Variants in GFI1B observed in about 807,000 individuals in gnomAD.
GFI1B encodes zinc finger protein Gfi-1b.
A neutral mutation model predicts 35.3 loss-of-function variants in GFI1B; 20 were observed. That is an observed-to-expected ratio of 0.57 (90% CI 0.40 to 0.82). The LOEUF (loss-of-function observed/expected upper bound fraction) is 0.82, where lower values mean the gene tolerates loss of function less well. Ranked by LOEUF, GFI1B falls within the 40% of genes least tolerant of loss-of-function variation. The probability of loss-of-function intolerance (pLI) is 0.00; values close to 1 mark genes in which losing one functional copy is unlikely to be tolerated. For missense variants in GFI1B, 430 were observed against 446.3 expected (o/e 0.96, Z 0.33); for synonymous variants, 178 against 177.6 (o/e 1.00, Z -0.02).
upstream of GFI1B, among the ~76,000 whole-genome samples, chr9:132,978,053 G>A (rs971400160): frequency 6.6e-6 from 1 of 150,814 alleles, no homozygotes; most frequent in South Asian, 2.1e-4. Flanking sequence ...GGTACTAGGG[G>A]CATTGCACCA....
chr9:132,968,713 C>T (rs961325451), intron 1 of GFI1B, among the ~76,000 whole-genome samples: 12 of 152,204 alleles, frequency 7.9e-5, no homozygotes, highest in Non-Finnish European at 1.8e-4. Context: ...GATCTTACTT[C>T]ACCCCGCTGT....
chr9:132,969,153 T>TC (rs1848495563), intron 1 of GFI1B, among the ~76,000 whole-genome samples: 2 of 152,086 alleles, frequency 1.3e-5, no homozygotes, highest in Non-Finnish European at 2.9e-5. Context: ...CTCAGCCTCC[T>TC]GAGTAGCTGG....
chr9:132,948,590 C>A (rs10793948), intron 1 of GFI1B, among the ~76,000 whole-genome samples: 101 of 152,236 alleles, frequency 6.6e-4, no homozygotes, highest in African/African-American at 2.4e-3. Flanking sequence ...GCTTTCAGCT[C>A]TCTGTGCAGC....
intron 1 of GFI1B, chr9:132,952,446 G>A (rs1848215441): frequency 6.6e-6 from 1 of 152,030 alleles, no homozygotes; most frequent in East Asian, 1.9e-4. Context: ...CTCCCGGGTA[G>A]CTGAGACTAT....
At chr9:132,990,754 A>C (rs1849265719) in intron 6 of GFI1B, 118 bp from the exon 7 acceptor site, 1 of 833,090 alleles carries the variant, frequency 1.2e-6, no homozygotes, top group Admixed American at 2.1e-5. Flanking sequence ...TGAGTTGGCC[A>C]TGAGAGAAAA....
intron 1 of GFI1B, among the ~76,000 whole-genome samples, chr9:132,950,563 T>A (rs1288424120): frequency 7.2e-6 from 1 of 138,660 alleles, no homozygotes; most frequent in Non-Finnish European, 1.6e-5. Flanking sequence ...ACTTTTTTTT[T>A]TTTTTTTTTT....
chr9:132,990,246 T>C (rs1401688440), intron 6 of GFI1B, among the ~76,000 whole-genome samples: 1 of 147,024 alleles, frequency 6.8e-6, no homozygotes, highest in Non-Finnish European at 1.5e-5. Flanking sequence ...CGCTCACTCA[T>C]TTGCTCATTC....
chr9:132,989,670 C>G lies in GFI1B; in HGVS notation c.649-72C>G. The G allele has an allele frequency of 7.7e-7, 1 of 1,304,966 alleles. No individual in the cohort carries two copies. Among genetic ancestry groups the G allele is most frequent in the Non-Finnish European group, 1.1e-6 (1 of 914,914 alleles). The allele number at this position is 1,304,966 out of a possible 1,614,324, so 80.8% of individuals were successfully genotyped here. On this transcript the variant is annotated intron_variant, in intron 5 of 6. Coordinates refer to ENST00000372122, the MANE Select transcript of GFI1B (RefSeq NM_001377304.1). The surrounding 1 kb of genome is among the most constrained non-coding windows in gnomAD (Gnocchi z 6.2). ...GGCCGCCCCAATGGAGTGTCCTGTT[C>G]CGCAGGGGATCCCGGCCGGGTCCAG...
chr9:132,962,733 C>A, intron 1 of GFI1B: 2 of 401,990 alleles, frequency 5.0e-6, no homozygotes, highest in Non-Finnish European at 9.6e-6. Context: ...CCATATCAAG[C>A]TGAAAATGTC....
At chr9:132,973,520 T>C (rs1162055554) in intron 2 of GFI1B, among the ~76,000 whole-genome samples, 2 of 152,046 alleles carry the variant, frequency 1.3e-5, no homozygotes, top group African/African-American at 2.4e-5. Flanking sequence ...TGAGGCCCCA[T>C]GAGTAACCGA....
chr9:132,988,998 G>A (rs1849183435), intron 4 of GFI1B, 63 bp from the exon 5 acceptor site: 39 of 1,535,122 alleles, frequency 2.5e-5, no homozygotes, highest in Non-Finnish European at 3.3e-5. Context: ...GAGACCATGG[G>A]ACCCCAGGCC....
chr9:132,965,174 G>A (rs1383306943), intron 1 of GFI1B, among the ~76,000 whole-genome samples: 2 of 152,198 alleles, frequency 1.3e-5, no homozygotes, highest in African/African-American at 4.8e-5. Flanking sequence ...TCTGAACACT[G>A]AAACAGCTTA....
At chr9:132,957,704 A>G (rs1388183566) in intron 1 of GFI1B, among the ~76,000 whole-genome samples, 1 of 152,178 alleles carries the variant, frequency 6.6e-6, no homozygotes, top group East Asian at 1.9e-4. Context: ...CAATTCAGAT[A>G]TGAAGAGTAA....
intron 1 of GFI1B, among the ~76,000 whole-genome samples, chr9:132,957,060 C>T (rs1285213016): frequency 6.6e-6 from 1 of 152,154 alleles, no homozygotes; most frequent in Non-Finnish European, 1.5e-5. Context: ...TGTGCCATCC[C>T]ATCACGTTTT....
rs997341192 is a variant in GFI1B at position 132,959,964 on chromosome 9, A to G, written c.-700-12761A>G. ...AAAGACTCCCTTTCCAAATAAAGTCACGTTCTGCGGTTCCAGGTAGACATG... is the reference window on the plus strand; with the variant it reads ...AAAGACTCCCTTTCCAAATAAAGTCGCGTTCTGCGGTTCCAGGTAGACATG... On this transcript the variant is annotated intron_variant, in intron 1 of 10. Coordinates refer to the GFI1B transcript ENST00000339463. Among the ~76,000 whole-genome samples, 5 of 152,222 alleles carry G rather than the reference A, an allele frequency of 3.3e-5. No homozygotes were observed. The East Asian group carries it at 9.6e-4, about 29-fold the overall frequency.
chr9:132,953,644 A>C (rs1021687597), intron 1 of GFI1B: 1 of 150,048 alleles, frequency 6.7e-6, no homozygotes, highest in African/African-American at 2.5e-5. Flanking sequence ...ACGGAATGAG[A>C]TCCCGTCTCA....
At chr9:132,983,386 G>A (rs1213182541) in intron 1 of GFI1B, among the ~76,000 whole-genome samples, 1 of 151,868 alleles carries the variant, frequency 6.6e-6, no homozygotes, top group African/African-American at 2.4e-5. Context: ...TTGTAGAGAC[G>A]AGGTTTCACT....
downstream of GFI1B, among the ~76,000 whole-genome samples, chr9:132,992,971 C>A (rs558761534): frequency 5.3e-5 from 8 of 151,074 alleles, no homozygotes; most frequent in South Asian, 1.5e-3. Context: ...ACAGATGGGG[C>A]AACTGAGGCC....
rs190739138 is a variant in GFI1B at position 132,954,939 on chromosome 9, G to A, written c.-701+9270G>A. Among the ~76,000 whole-genome samples the A allele has an allele frequency of 1.3e-3, 193 of 152,146 alleles. 1 individual carries two copies. The highest frequency in any genetic ancestry group is 4.5e-3 in the African/African-American group (188 of 41,534). On this transcript the variant is annotated intron_variant, in intron 1 of 10. Coordinates refer to the GFI1B transcript ENST00000339463. ...TCACTATGTTGGCCAGGATGGTCTC[G>A]ATCTCTTGACCTCATGATCCACCCA...
Sources: gnomAD v4.1 joint callset for allele counts (sites outside exome capture counted in the v4.1 genomes callset) on GRCh38, gnomAD v4.1.1 for gene constraint, Gnocchi (gnomAD v3.1) non-coding constraint, MANE v1.5 for transcripts, NCBI Gene and HGNC (gene_info 2026-07-23, HGNC 2026-07-21) for gene names.